Variants in KLF12 observed in about 807,000 individuals in gnomAD.
KLF12 encodes KLF transcription factor 12, also known as Krueppel-like factor 12.
In KLF12, 9 loss-of-function variants were observed where a neutral mutation model predicts 37.8. That is an observed-to-expected ratio of 0.24 (90% CI 0.14 to 0.42). The LOEUF is 0.42. Among genes scored for constraint, KLF12 ranks in the 10% least tolerant of loss-of-function variants. The pLI, the probability that KLF12 is intolerant of heterozygous loss-of-function variation, is 1.00. For synonymous variants in KLF12, 208 were observed against 202.1 expected (o/e 1.03, Z -0.25); for missense variants, 411 against 516.0 (o/e 0.80, Z 1.97).
chr13:73,983,205 T>C (rs896206934), intron 2 of KLF12, among the ~76,000 whole-genome samples: 2 of 152,190 alleles, frequency 1.3e-5, no homozygotes, highest in East Asian at 1.9e-4. Flanking sequence ...TCCTGTACTA[T>C]GGCTCAACCA....
chr13:74,129,333 G>C (rs1045628401), intron 1 of KLF12, among the ~76,000 whole-genome samples: 1 of 151,998 alleles, frequency 6.6e-6, no homozygotes, highest in Non-Finnish European at 1.5e-5. Flanking sequence ...CAGAACCCAC[G>C]AATAAAGAGG....
chr13:73,698,749 G>T (rs1041296348), intron 7 of KLF12, among the ~76,000 whole-genome samples: 2 of 152,140 alleles, frequency 1.3e-5, no homozygotes, highest in Non-Finnish European at 1.5e-5. Context: ...TATAATGTAT[G>T]GCCTTCAATG....
the KLF12 span, among the ~76,000 whole-genome samples, chr13:74,303,281 G>A: frequency 1.3e-5 from 2 of 152,064 alleles, no homozygotes; most frequent in African/African-American, 4.8e-5. Flanking sequence ...GTTGCCCCAA[G>A]AACCTTCACT....
chr13:73,690,637 T>G lies in KLF12; in HGVS notation c.*4853A>C, dbSNP rs1873766608. 6.6e-6 allele frequency: 1 copy of G among 152,148 alleles called. No individual in the cohort carries two copies. The highest frequency in any genetic ancestry group is 1.5e-5 in the Non-Finnish European group (1 of 68,004). The allele number at this position is 152,148 out of a possible 1,614,324, so 9.4% of individuals were successfully genotyped here. A position where few individuals can be genotyped will look rare whatever the true frequency, so the allele number is the denominator to read the frequency against. On this transcript the variant is annotated 3_prime_UTR_variant, in exon 8 of 8. Transcript: ENST00000377669. Reference sequence around the variant, plus strand: ...TTTGAACAGAACACGAAGAGCATGCTCTGACAAAGTTGGACAGAGTTCCCA... The same window carrying G: ...TTTGAACAGAACACGAAGAGCATGCGCTGACAAAGTTGGACAGAGTTCCCA...
chr13:74,052,154 G>A (rs1384146357), intron 1 of KLF12, among the ~76,000 whole-genome samples: 1 of 150,624 alleles, frequency 6.6e-6, no homozygotes, highest in Admixed American at 6.6e-5. Flanking sequence ...AAAAAAGAAA[G>A]AACTAACTTT....
At chr13:74,090,931 GAA>G (rs375301861) in intron 1 of KLF12, among the ~76,000 whole-genome samples, 2 of 138,650 alleles carry the variant, frequency 1.4e-5, no homozygotes, top group African/African-American at 2.6e-5. Flanking sequence ...AAACTACCTT[GAA>G]AAAAAAAAAA....
intron 7 of KLF12, among the ~76,000 whole-genome samples, chr13:73,713,028 T>G (rs1388234107): frequency 6.6e-6 from 1 of 152,136 alleles, no homozygotes; most frequent in Non-Finnish European, 1.5e-5. Flanking sequence ...AGAAGTCCAT[T>G]CACAGGATAT....
the KLF12 span, among the ~76,000 whole-genome samples, chr13:74,282,993 G>A: frequency 6.6e-6 from 1 of 152,132 alleles, no homozygotes; most frequent in South Asian, 2.1e-4. Flanking sequence ...ACACAAATGT[G>A]TCTCAATTCT....
intron 2 of KLF12, among the ~76,000 whole-genome samples, chr13:73,988,677 A>G (rs1891888759): frequency 1.3e-5 from 2 of 152,230 alleles, no homozygotes; most frequent in South Asian, 2.1e-4. Context: ...CAACACCAGA[A>G]GCTGCCATAT....
At chr13:74,112,636 C>T (rs1390736857) in intron 1 of KLF12, among the ~76,000 whole-genome samples, 1 of 152,118 alleles carries the variant, frequency 6.6e-6, no homozygotes, top group Non-Finnish European at 1.5e-5. Flanking sequence ...CCTTCTAAGA[C>T]AGTGAACTTG....
At chr13:74,057,942 C>T (rs1873338997) in intron 1 of KLF12, among the ~76,000 whole-genome samples, 1 of 151,120 alleles carries the variant, frequency 6.6e-6, no homozygotes. Context: ...TGAAAGAGTT[C>T]ATGCAGCCAC....
the KLF12 span, among the ~76,000 whole-genome samples, chr13:74,232,688 A>T: frequency 6.6e-6 from 1 of 152,222 alleles, no homozygotes; most frequent in African/African-American, 2.4e-5. Flanking sequence ...TAAGAAAGTG[A>T]TAAATATACA....
chr13:74,039,603 T>C (rs1054874689), intron 1 of KLF12, among the ~76,000 whole-genome samples: 4 of 152,192 alleles, frequency 2.6e-5, no homozygotes, highest in African/African-American at 9.6e-5. Context: ...TAAAAAATTA[T>C]AAAATAATTT....
At chr13:73,900,051 T>A (rs373060968) in intron 3 of KLF12, among the ~76,000 whole-genome samples, 1 of 152,196 alleles carries the variant, frequency 6.6e-6, no homozygotes, top group East Asian at 1.9e-4. Context: ...AAGTCACTAG[T>A]AAGTTATAGG....
chr13:74,037,907 C>T (rs1056658757), intron 1 of KLF12, among the ~76,000 whole-genome samples: 17 of 152,098 alleles, frequency 1.1e-4, no homozygotes, highest in African/African-American at 3.6e-4. Context: ...AGCACAAGGT[C>T]AGGATGATTA....
At chr13:73,786,741 A>G (rs9543459) in intron 5 of KLF12, among the ~76,000 whole-genome samples, 1 of 139,548 alleles carries the variant, frequency 7.2e-6, no homozygotes, top group Non-Finnish European at 1.5e-5. Flanking sequence ...TACGAAAAAA[A>G]TAAAAATTAC....
intron 1 of KLF12, among the ~76,000 whole-genome samples, chr13:74,042,022 G>A (rs930151116): frequency 1.3e-5 from 2 of 151,986 alleles, no homozygotes; most frequent in African/African-American, 2.4e-5. Context: ...AGGGGTTATC[G>A]GCTGGGTGTA....
the KLF12 span, among the ~76,000 whole-genome samples, chr13:74,238,902 C>G: frequency 7.9e-5 from 12 of 151,188 alleles, no homozygotes; most frequent in South Asian, 2.1e-4. Flanking sequence ...CTCCTGGATT[C>G]ATTAATTTTT....
chr13:74,107,237 T>C (rs1876706066), intron 1 of KLF12, among the ~76,000 whole-genome samples: 1 of 152,178 alleles, frequency 6.6e-6, no homozygotes, highest in Non-Finnish European at 1.5e-5. Flanking sequence ...GGAGATTAAG[T>C]TTCAACATAA....
Sources: allele counts gnomAD v4.1 joint callset (sites outside exome capture counted in the v4.1 genomes callset), GRCh38; gene constraint gnomAD v4.1.1; transcripts MANE v1.5; gene names NCBI Gene and HGNC (gene_info 2026-07-23, HGNC 2026-07-21).